Variants in RERE observed in about 807,000 individuals in gnomAD.
The protein encoded by RERE is arginine-glutamic acid dipeptide repeats protein.
In RERE, 40 loss-of-function variants were observed where a neutral mutation model predicts 146.1. The observed-to-expected ratio is 0.27, with a 90% CI of 0.21 to 0.36. RERE has a LOEUF of 0.36. Among genes scored for constraint, RERE ranks in the 10% least tolerant of loss-of-function variants. The pLI, the probability that RERE is intolerant of heterozygous loss-of-function variation, is 1.00. For missense variants in RERE, 1,933 were observed against 2,138.7 expected, an observed-to-expected ratio of 0.90 and a Z score of 1.90; for synonymous variants, 1,003 against 866.0, an observed-to-expected ratio of 1.16 and a Z score of -2.78.
At chr1:8,545,499 T>C (rs968158709) in intron 6 of RERE, among the ~76,000 whole-genome samples, 1 of 151,982 alleles carries the variant, frequency 6.6e-6, no homozygotes, top group Non-Finnish European at 1.5e-5. Flanking sequence ...AAATTACCAA[T>C]AACTGGGAAG....
chr1:8,551,239 T>C (rs1362894308), intron 6 of RERE, among the ~76,000 whole-genome samples: 1 of 152,218 alleles, frequency 6.6e-6, no homozygotes, highest in African/African-American at 2.4e-5. Context: ...CAATCAATAC[T>C]GGAGAATGCA....
intron 8 of RERE, among the ~76,000 whole-genome samples, chr1:8,505,967 T>A (rs1340822153): frequency 6.6e-6 from 1 of 152,212 alleles, no homozygotes; most frequent in African/African-American, 2.4e-5. Context: ...TGATTTTAAA[T>A]GGTGGTATAC....
At chr1:8,660,949 G>A (rs1226019441) in intron 1 of RERE, among the ~76,000 whole-genome samples, 1 of 152,226 alleles carries the variant, frequency 6.6e-6, no homozygotes, top group Non-Finnish European at 1.5e-5. Flanking sequence ...AGCTCCAGGT[G>A]TTGGTAAACA....
intron 1 of RERE, among the ~76,000 whole-genome samples, chr1:8,809,137 TAAAAAAAA>T (rs58263107): frequency 1.1e-5 from 1 of 95,062 alleles, no homozygotes; most frequent in East Asian, 2.7e-4. Context: ...GACTTTGTCT[TAAAAAAAA>T]AAAAAAAAAA....
Position 8,811,498 on chromosome 1 carries a change from C to T in RERE, c.-145+5662G>A, listed in dbSNP as rs575382314. Reference sequence around the variant, plus strand: ...ACACCTCTAGTCCCAGTCCCAGCTACTCGGGAGGCCAAGGAGGGAGGATAA... The same window carrying T: ...ACACCTCTAGTCCCAGTCCCAGCTATTCGGGAGGCCAAGGAGGGAGGATAA... On this transcript the variant is annotated intron_variant, in intron 1 of 22. Transcript: ENST00000400908. 7.2e-5 allele frequency among the ~76,000 whole-genome samples: 11 copies of T among 152,282 alleles called. No homozygotes were observed. In the East Asian group the frequency reaches 1.9e-3, roughly 27 times the overall value.
At chr1:8,595,973 G>C (rs1646551234) in intron 4 of RERE, among the ~76,000 whole-genome samples, 1 of 152,182 alleles carries the variant, frequency 6.6e-6, no homozygotes, top group African/African-American at 2.4e-5. Flanking sequence ...TACCAGCTCA[G>C]GCTTCAGCAA....
At chr1:8,706,114 A>C (rs370183260) in intron 1 of RERE, among the ~76,000 whole-genome samples, 908 of 11,900 alleles carry the variant, frequency 0.076, 5 homozygotes, top group African/African-American at 0.27. Flanking sequence ...CTCCGTCTCC[A>C]AAAAAAAAAA....
chr1:8,545,803 C>T (rs1307778885), intron 6 of RERE, among the ~76,000 whole-genome samples: 1 of 150,162 alleles, frequency 6.7e-6, no homozygotes, highest in Non-Finnish European at 1.5e-5. Context: ...CCTGCTTCAG[C>T]CTCCCGAGTA....
intron 1 of RERE, among the ~76,000 whole-genome samples, chr1:8,742,175 A>G (rs1316150619): frequency 1.3e-5 from 2 of 152,226 alleles, no homozygotes; most frequent in African/African-American, 4.8e-5. Flanking sequence ...CCATGCTTCT[A>G]TGGTAGAAAA....
intron 1 of RERE, among the ~76,000 whole-genome samples, chr1:8,774,649 C>A (rs114637261): frequency 6.6e-6 from 1 of 151,988 alleles, no homozygotes; most frequent in African/African-American, 2.4e-5. Flanking sequence ...TCACCACACC[C>A]GGCCATCATT....
intron 12 of RERE, among the ~76,000 whole-genome samples, chr1:8,386,328 C>T (rs1642681188): frequency 6.6e-6 from 1 of 150,930 alleles, no homozygotes; most frequent in Admixed American, 6.6e-5. Context: ...CTTAGGAACC[C>T]CTCTCATCCC....
intron 1 of RERE, chr1:8,786,772 C>T: frequency 1.3e-6 from 1 of 784,030 alleles, no homozygotes. Flanking sequence ...CTTGTGATAG[C>T]ACTATGCTTT....
Position 8,354,686 on chromosome 1 carries a change from C to G in RERE, c.*401G>C, listed in dbSNP as rs183903552. On this transcript the variant is annotated 3_prime_UTR_variant, in exon 23 of 23. Coordinates refer to ENST00000400908, the MANE Select transcript of RERE (RefSeq NM_001042681.2). ...AATTCCTATGCCCCCGATCTGCAAG[C>G]CTCGTGGGCTCTGGAGCACTCGTGG... is the stretch of plus-strand genomic sequence containing the variant. 79 of 178,122 alleles carry G rather than the reference C, an allele frequency of 4.4e-4. No individual in the cohort carries two copies. The East Asian group carries it at 0.011, about 24-fold the overall frequency. 11.0% of individuals were successfully genotyped at this position (178,122 alleles called of 1,614,324 possible). A position where few individuals can be genotyped will look rare whatever the true frequency, so the allele number is the denominator to read the frequency against.
chr1:8,410,215 C>T (rs1383387558), intron 12 of RERE, among the ~76,000 whole-genome samples: 3 of 152,034 alleles, frequency 2.0e-5, no homozygotes, highest in African/African-American at 7.3e-5. Context: ...GGGGGGCCGC[C>T]CTGGCTGGGG....
intron 1 of RERE, among the ~76,000 whole-genome samples, chr1:8,669,077 T>TGTGTGTGTG (rs1220047868): frequency 5.2e-5 from 7 of 134,070 alleles, no homozygotes; most frequent in Non-Finnish European, 8.2e-5. Flanking sequence ...TGTGTGTGTG[T>TGTGTGTGTG]TGTGTTTTTA....
chr1:8,384,300 T>G (rs1044958535), intron 12 of RERE, among the ~76,000 whole-genome samples: 1 of 152,186 alleles, frequency 6.6e-6, no homozygotes, highest in Non-Finnish European at 1.5e-5. Context: ...CTGCCCTAGT[T>G]TTTTCTTGTG....
In RERE at chr1:8,371,912, G is replaced by A. The variant is rs531621289; in HGVS notation, c.1285-5938C>T. ...TGGGTGCCCCTGTGTATGTGCATGT[G>A]TGCACAGATGTGAGCAGGGTCTCCT... is the stretch of plus-strand genomic sequence containing the variant. On this transcript the variant is annotated intron_variant, in intron 12 of 22. Coordinates refer to ENST00000400908, the MANE Select transcript of RERE (RefSeq NM_001042681.2). Among the ~76,000 whole-genome samples, 19 of 152,358 alleles carry A rather than the reference G, an allele frequency of 1.2e-4. No individual in the cohort carries two copies. The South Asian group carries it at 2.3e-3, about 18-fold the overall frequency.
chr1:8,385,088 C>T (rs931394761), intron 12 of RERE, among the ~76,000 whole-genome samples: 12 of 152,222 alleles, frequency 7.9e-5, no homozygotes, highest in Non-Finnish European at 1.6e-4. Flanking sequence ...CCTAGCAAGA[C>T]TGAGTCAAGC....
At chr1:8,760,398 G>C (rs1640731822) in intron 1 of RERE, among the ~76,000 whole-genome samples, 1 of 152,194 alleles carries the variant, frequency 6.6e-6, no homozygotes, top group African/African-American at 2.4e-5. Context: ...ACAAAAGTCA[G>C]CCTTAGATAA....
Sources: gnomAD v4.1 joint callset for allele counts (sites outside exome capture counted in the v4.1 genomes callset) on GRCh38, gnomAD v4.1.1 for gene constraint, MANE v1.5 for transcripts, NCBI Gene and HGNC (gene_info 2026-07-23, HGNC 2026-07-21) for gene names.